QNG1: variants seen among roughly 807,000 people sequenced by gnomAD.
QNG1 encodes queuosine 5'-phosphate N-glycosylase/hydrolase.
the QNG1 span, among the ~76,000 whole-genome samples, chr9:83,949,319 AG>A: frequency 6.6e-6 from 1 of 152,228 alleles, no homozygotes; most frequent in Non-Finnish European, 1.5e-5. Context: ...TATGGCAACC[AG>A]GTTTCTAGTT....
the QNG1 span, chr9:83,953,828 C>G: frequency 6.5e-7 from 1 of 1,547,218 alleles, no homozygotes; most frequent in Non-Finnish European, 8.7e-7. Context: ...AAATGATCAT[C>G]ATTTGTTCAA....
At chr9:83,956,566 C>T in the QNG1 span, 3 of 1,380,408 alleles carry the variant, frequency 2.2e-6, no homozygotes, top group Admixed American at 7.1e-5. Flanking sequence ...CCACTCTGCG[C>T]CTTGCGCTAC....
At chr9:83,948,604 C>A in the QNG1 span, among the ~76,000 whole-genome samples, 2 of 152,318 alleles carry the variant, frequency 1.3e-5, no homozygotes, top group South Asian at 2.1e-4. Context: ...TGCCCAACAG[C>A]TCATTGAGAG....
the QNG1 span, chr9:83,938,584 T>C: frequency 6.6e-6 from 1 of 152,072 alleles, no homozygotes; most frequent in Admixed American, 6.6e-5. Context: ...CACTGAAGAT[T>C]AGTCACATAA....
chr9:83,946,002 T>C, the QNG1 span, among the ~76,000 whole-genome samples: 1 of 152,054 alleles, frequency 6.6e-6, no homozygotes, highest in African/African-American at 2.4e-5. Flanking sequence ...TCACATTAAT[T>C]GTATAATATA....
the QNG1 span, among the ~76,000 whole-genome samples, chr9:83,954,183 C>T: frequency 1.3e-5 from 2 of 151,960 alleles, no homozygotes; most frequent in African/African-American, 4.8e-5. Flanking sequence ...AGTGAGCCAC[C>T]GAGTCTGGCC....
chr9:83,955,426 C>T, the QNG1 span: 2 of 1,614,146 alleles, frequency 1.2e-6, no homozygotes, highest in East Asian at 2.2e-5. Context: ...TTTCAACCAC[C>T]AGGTGCATTA....
chr9:83,943,331 C>CA, the QNG1 span, among the ~76,000 whole-genome samples: 1,265 of 62,404 alleles, frequency 0.02, 120 homozygotes, highest in African/African-American at 0.041. Flanking sequence ...CAGAGCGTCT[C>CA]AAAAAAAAAA....
At chr9:83,952,865 G>T in the QNG1 span, among the ~76,000 whole-genome samples, 2,728 of 151,232 alleles carry the variant, frequency 0.018, 90 homozygotes, top group African/African-American at 0.063. Context: ...CTACTCGGAG[G>T]CAGAGAACCG....
At chr9:83,956,159 C>A in the QNG1 span, 1 of 1,608,060 alleles carries the variant, frequency 6.2e-7, no homozygotes, top group Non-Finnish European at 8.5e-7. Context: ...AAGTATGGCA[C>A]CAACCTTCGT....
chr9:83,949,794 A>G, the QNG1 span, among the ~76,000 whole-genome samples: 1 of 152,060 alleles, frequency 6.6e-6, no homozygotes, highest in African/African-American at 2.4e-5. Flanking sequence ...AGATTCATAG[A>G]GCAAAATGGA....
chr9:83,944,933 A>C, the QNG1 span: 2 of 1,613,112 alleles, frequency 1.2e-6, no homozygotes, highest in Non-Finnish European at 1.7e-6. Flanking sequence ...CTTCCAATAC[A>C]CTCCACGTAT....
chr9:83,956,462 G>T, the QNG1 span: 2 of 1,530,336 alleles, frequency 1.3e-6, no homozygotes, highest in Non-Finnish European at 1.8e-6. Context: ...TTTCTGCAAT[G>T]AATTTAGAGG....
At chr9:83,941,906 C>CA in the QNG1 span, among the ~76,000 whole-genome samples, 553 of 132,030 alleles carry the variant, frequency 4.2e-3, 4 homozygotes, top group African/African-American at 0.011. Flanking sequence ...AACTCCGTCT[C>CA]AAAAAAAAAA....
the QNG1 span, among the ~76,000 whole-genome samples, chr9:83,941,172 C>T: frequency 2.0e-5 from 3 of 152,152 alleles, no homozygotes; most frequent in African/African-American, 4.8e-5. Flanking sequence ...AGGTTCCTGA[C>T]CCAGGATCAT....
the QNG1 span, chr9:83,944,649 TTTTGTC>T: frequency 1.7e-6 from 1 of 602,052 alleles, no homozygotes; most frequent in East Asian, 3.1e-5. Context: ...TTTCTCTACA[TTTTGTC>T]TTTGCATTTT....
the QNG1 span, chr9:83,955,301 T>A: frequency 6.8e-6 from 10 of 1,463,570 alleles, no homozygotes; most frequent in Admixed American, 2.3e-4. Context: ...AAGTTTTTAT[T>A]CTTAAAATGA....
chr9:83,945,970 G>A, the QNG1 span, among the ~76,000 whole-genome samples: 1 of 151,916 alleles, frequency 6.6e-6, no homozygotes, highest in Non-Finnish European at 1.5e-5. Context: ...AAACACGTCT[G>A]TTTTTCTGAT....
At chr9:83,946,318 T>TA in the QNG1 span, among the ~76,000 whole-genome samples, 10 of 150,418 alleles carry the variant, frequency 6.6e-5, no homozygotes, top group Non-Finnish European at 1.0e-4. Flanking sequence ...TAATAATAAT[T>TA]AAAAAAAAAT....
Sources: gnomAD v4.1 joint callset for allele counts (sites outside exome capture counted in the v4.1 genomes callset) on GRCh38, gnomAD v4.1.1 for gene constraint, MANE v1.5 for transcripts, NCBI Gene and HGNC (gene_info 2026-07-23, HGNC 2026-07-21) for gene names.